Variants in ARHGEF7 observed in about 807,000 individuals in gnomAD.
The protein encoded by ARHGEF7 is Rho guanine nucleotide exchange factor 7.
ARHGEF7 carries 33 observed loss-of-function variants against 109.8 expected under a neutral mutation model. That is an observed-to-expected ratio of 0.30 (90% CI 0.23 to 0.40). The LOEUF (loss-of-function observed/expected upper bound fraction) is 0.40, where lower values mean the gene tolerates loss of function less well. Among genes scored for constraint, ARHGEF7 ranks in the 10% least tolerant of loss-of-function variants. The pLI is 1.00. For missense variants in ARHGEF7, 938 were observed against 1,098.5 expected (o/e 0.85, Z 2.07); for synonymous variants, 458 against 424.6 (o/e 1.08, Z -0.97).
Position 111,273,882 on chromosome 13 carries a change from G to T in ARHGEF7, c.1142G>T (p.Gly381Val). The change falls in exon 10 of 22, where the codon GGC becomes GTC. Residue 381 changes from glycine (G) to valine (V), a missense_variant. Gly to Val is a moderately radical substitution (Grantham distance 109, BLOSUM62 -3). Coordinates refer to ENST00000646102, the MANE Select transcript of ARHGEF7 (RefSeq NM_001354046.2). This position sits in a 1 kb window ranked among gnomAD's most constrained non-coding sequence, Gnocchi z 4.5. ...CCTGGGATTCTCGTGCTGACCACGG[G>T]CCTGAGCAAACCCTTCATGCGCCTG... ...SSPGILVLTT[G>V]LSKPFMRLDK... 6.2e-7 allele frequency: 1 copy of T among 1,614,156 alleles called. No homozygotes were observed. Among genetic ancestry groups the T allele is most frequent in the Non-Finnish European group, 8.5e-7 (1 of 1,180,018 alleles).
intron 3 of ARHGEF7, among the ~76,000 whole-genome samples, chr13:111,206,403 G>A (rs2081862088): frequency 6.6e-6 from 1 of 152,156 alleles, no homozygotes; most frequent in Non-Finnish European, 1.5e-5. Flanking sequence ...TGATGCTGCT[G>A]CTGCTGATGC....
At chr13:111,173,570 T>G (rs1379319144) in intron 2 of ARHGEF7, among the ~76,000 whole-genome samples, 3 of 152,204 alleles carry the variant, frequency 2.0e-5, no homozygotes, top group Admixed American at 6.5e-5. Context: ...CACAGTGTAT[T>G]CACTGATTGG....
At chr13:111,290,081 A>G (rs2093212308) in intron 18 of ARHGEF7, among the ~76,000 whole-genome samples, 1 of 152,260 alleles carries the variant, frequency 6.6e-6, no homozygotes, top group Admixed American at 6.5e-5. Flanking sequence ...GATATTGATC[A>G]TGTTTTAAGT....
chr13:111,188,505 G>T (rs987665025), intron 2 of ARHGEF7, among the ~76,000 whole-genome samples: 2 of 152,180 alleles, frequency 1.3e-5, no homozygotes, highest in African/African-American at 4.8e-5. Context: ...CTCCTACACG[G>T]TGCTGGATCC....
intron 2 of ARHGEF7, among the ~76,000 whole-genome samples, chr13:111,173,691 C>T (rs1216729258): frequency 6.6e-6 from 1 of 152,134 alleles, no homozygotes; most frequent in East Asian, 1.9e-4. Flanking sequence ...TGTTTCATGG[C>T]TGCCAAGTGA....
chr13:111,150,895 G>GCAAGGTTT (rs2075855037), intron 1 of ARHGEF7, among the ~76,000 whole-genome samples: 2 of 152,226 alleles, frequency 1.3e-5, no homozygotes, highest in Non-Finnish European at 2.9e-5. Flanking sequence ...GACCCAGAAA[G>GCAAGGTTT]CAAGGTTTTT....
intron 16 of ARHGEF7, among the ~76,000 whole-genome samples, chr13:111,284,673 C>T (rs182699669): frequency 6.6e-6 from 1 of 152,220 alleles, no homozygotes; most frequent in Non-Finnish European, 1.5e-5. Context: ...CAACTCCACA[C>T]TGGGAGAGAA....
intron 2 of ARHGEF7, among the ~76,000 whole-genome samples, chr13:111,167,312 A>G (rs898747859): frequency 1.4e-4 from 21 of 152,182 alleles, no homozygotes; most frequent in Admixed American, 4.6e-4. Flanking sequence ...CTTTTATCCA[A>G]TAAGACTTGT....
chr13:111,115,636 A>G lies in ARHGEF7; in HGVS notation c.110A>G (p.Asp37Gly). The G allele has an allele frequency of 7.2e-7, 1 of 1,383,748 alleles. No individual in the cohort carries two copies. The highest frequency in any genetic ancestry group is 9.5e-7 in the Non-Finnish European group (1 of 1,052,814). The allele number at this position is 1,383,748 out of a possible 1,614,324, so 85.7% of individuals were successfully genotyped here. A position where few individuals can be genotyped will look rare whatever the true frequency, so the allele number is the denominator to read the frequency against. ...PEGFLQASLKDGVVLCRLLER... is the reference protein window; with the variant it reads ...PEGFLQASLKGGVVLCRLLER... The stretch of plus-strand genomic sequence containing the variant: ...GGCTTTCTGCAGGCGTCGCTGAAGG[A>G]TGGGGTGGTCCTCTGCAGGCTGCTG... Residue 37 changes from aspartate (D) to glycine (G), a missense_variant, in exon 1 of 22, where the codon GAT (aspartate) becomes GGT (glycine). This residue lies in a region of ARHGEF7 where 165 missense variants were observed against 125.8 expected (regional missense o/e 1.31). Coordinates refer to ENST00000646102, the MANE Select transcript of ARHGEF7 (RefSeq NM_001354046.2).
chr13:111,224,701 G>A lies in ARHGEF7; in HGVS notation c.670+6821G>A, dbSNP rs186723127. The stretch of plus-strand genomic sequence containing the variant: ...ACTTATTTTTGACATAAAGCAACAC[G>A]CAGCTGAATTTTGGATGTCGTTATT... On this transcript the variant is annotated intron_variant, in intron 5 of 21. Transcript: ENST00000646102. Among the ~76,000 whole-genome samples the A allele has an allele frequency of 1.2e-4, 19 of 152,308 alleles. No homozygotes were observed. The East Asian group carries it at 2.1e-3, about 17-fold the overall frequency.
intron 5 of ARHGEF7, among the ~76,000 whole-genome samples, chr13:111,221,974 G>C (rs530052455): frequency 6.6e-6 from 1 of 152,270 alleles, no homozygotes; most frequent in South Asian, 2.1e-4. Flanking sequence ...GGAGAAAGAT[G>C]TAGGCTGGGA....
chr13:111,147,279 C>A (rs2075645632), intron 1 of ARHGEF7, among the ~76,000 whole-genome samples: 1 of 152,228 alleles, frequency 6.6e-6, no homozygotes, highest in African/African-American at 2.4e-5. Flanking sequence ...GGCCAGTTTT[C>A]TAAGCATACC....
chr13:111,219,949 C>T (rs770443572), intron 5 of ARHGEF7, among the ~76,000 whole-genome samples: 34 of 152,128 alleles, frequency 2.2e-4, no homozygotes, highest in Non-Finnish European at 3.8e-4. Context: ...ACTGAGAGCG[C>T]GGCACTGGCA....
At chr13:111,279,585 T>G (rs1400692994) in intron 13 of ARHGEF7, among the ~76,000 whole-genome samples, 1 of 152,354 alleles carries the variant, frequency 6.6e-6, no homozygotes, top group East Asian at 1.9e-4. Context: ...TGGGCCACCA[T>G]GTACTGTGGT....
chr13:111,169,378 A>G (rs2077396171), intron 2 of ARHGEF7, among the ~76,000 whole-genome samples: 2 of 152,156 alleles, frequency 1.3e-5, no homozygotes, highest in Non-Finnish European at 2.9e-5. Context: ...GGCCTCAGGA[A>G]ACTTACAATC....
intron 13 of ARHGEF7, among the ~76,000 whole-genome samples, chr13:111,279,478 G>A (rs775827786): frequency 3.3e-5 from 5 of 152,212 alleles, no homozygotes; most frequent in South Asian, 2.1e-4. Flanking sequence ...GCAGCACTCC[G>A]TCTGGAGGTG....
rs2090764913 is a variant in ARHGEF7, at chr13:111,258,875, G to A, written c.951-8673G>A. Among the ~76,000 whole-genome samples the A allele has an allele frequency of 6.6e-6, 1 of 151,950 alleles. No homozygotes were observed. On this transcript the variant is annotated intron_variant, in intron 8 of 21. Coordinates refer to ENST00000646102, the MANE Select transcript of ARHGEF7 (RefSeq NM_001354046.2). The surrounding 1 kb of genome is among the most constrained non-coding windows in gnomAD (Gnocchi z 4.4). ...CTCTGAAAGGAGAGTCTCAGGCCTGGTGGCATTCACCACAAACTGACTGAA... is the reference window on the plus strand; with the variant it reads ...CTCTGAAAGGAGAGTCTCAGGCCTGATGGCATTCACCACAAACTGACTGAA...
chr13:111,149,246 G>GA lies in ARHGEF7; in HGVS notation c.166-4648dup, dbSNP rs944400762. Among the ~76,000 whole-genome samples, 220 of 139,284 alleles carry GA rather than the reference G, an allele frequency of 1.6e-3. 2 individuals are homozygous for GA. In the East Asian group the frequency reaches 0.026, roughly 17 times the overall value. 91.4% of individuals were successfully genotyped at this position (139,284 alleles called of 152,430 possible). ...GCAACATAGTGAGACCACTATCTCT[G>GA]AAAAAAAAAAAGAAAAGAAAAGAAA... On this transcript the variant is annotated intron_variant, in intron 1 of 21. Coordinates refer to ENST00000646102, the MANE Select transcript of ARHGEF7 (RefSeq NM_001354046.2).
intron 8 of ARHGEF7, among the ~76,000 whole-genome samples, chr13:111,249,762 C>G (rs997894000): frequency 3.6e-4 from 55 of 152,020 alleles, no homozygotes; most frequent in Non-Finnish European, 3.1e-4. Flanking sequence ...CTTGTGAGCA[C>G]TTTGTGAGGA....
Sources: gnomAD v4.1 joint callset for allele counts (sites outside exome capture counted in the v4.1 genomes callset) on GRCh38, gnomAD v4.1.1 for gene constraint, gnomAD v4.1.1 regional missense constraint, Gnocchi (gnomAD v3.1) non-coding constraint, MANE v1.5 for transcripts, NCBI Gene and HGNC (gene_info 2026-07-23, HGNC 2026-07-21) for gene names.